TBC1D1: variants seen among roughly 807,000 people sequenced by gnomAD.
The protein encoded by TBC1D1 is TBC1 domain family member 1.
Under a neutral mutation model 125.6 loss-of-function variants are expected in TBC1D1, and 89 were observed. The observed-to-expected ratio is 0.71, with a 90% CI of 0.60 to 0.85. The LOEUF is 0.85. Among genes scored for constraint, TBC1D1 ranks in the 40% least tolerant of loss-of-function variants. TBC1D1 has a pLI of 0.00. For synonymous variants in TBC1D1, 565 were observed against 564.1 expected (o/e 1.00, Z -0.02); for missense variants, 1,377 against 1,469.2 (o/e 0.94, Z 1.03).
At chr4:37,990,946 TG>T (rs764509715) in intron 2 of TBC1D1, among the ~76,000 whole-genome samples, 19 of 152,058 alleles carry the variant, frequency 1.2e-4, no homozygotes, top group Non-Finnish European at 2.2e-4. Context: ...TCAAGAAATC[TG>T]GCCGCTTCAA....
At chr4:37,981,315 T>G (rs1159053703) in intron 2 of TBC1D1, among the ~76,000 whole-genome samples, 1 of 152,244 alleles carries the variant, frequency 6.6e-6, no homozygotes, top group Admixed American at 6.5e-5. Context: ...TTTCCGTATT[T>G]GGGCATTACT....
chr4:38,052,090 T>G, intron 11 of TBC1D1, 30 bp downstream of exon 12: 3 of 1,549,714 alleles, frequency 1.9e-6, no homozygotes, highest in South Asian at 1.2e-5. Context: ...AAGTTTGGTG[T>G]TGTCTGTTTT....
At chr4:38,063,996 C>T (rs944468082) in intron 12 of TBC1D1, among the ~76,000 whole-genome samples, 1 of 152,016 alleles carries the variant, frequency 6.6e-6, no homozygotes, top group Non-Finnish European at 1.5e-5. Context: ...AATCTACTGC[C>T]GTCCACCTCT....
chr4:37,947,916 C>A (rs1464104617), intron 2 of TBC1D1, among the ~76,000 whole-genome samples: 1 of 151,702 alleles, frequency 6.6e-6, no homozygotes, highest in African/African-American at 2.4e-5. Context: ...AAAGGTAGTA[C>A]CCCCAAATAA....
chr4:37,984,033 G>A (rs889781727), intron 2 of TBC1D1, among the ~76,000 whole-genome samples: 6 of 151,852 alleles, frequency 4.0e-5, no homozygotes, highest in African/African-American at 1.2e-4. Context: ...TAGCCTTTTC[G>A]GATTGGCTTC....
At chr4:38,024,686 A>C (rs1744724204) in intron 6 of TBC1D1, among the ~76,000 whole-genome samples, 1 of 152,206 alleles carries the variant, frequency 6.6e-6, no homozygotes, top group Non-Finnish European at 1.5e-5. Context: ...TTATTACATA[A>C]ACAGTTTTAG....
In TBC1D1 at chr4:37,965,292, A is replaced by G. The variant is rs148141112; in HGVS notation, c.418-49217A>G. On this transcript the variant is annotated intron_variant, in intron 2 of 19. Coordinates refer to ENST00000261439, the MANE Select transcript of TBC1D1 (RefSeq NM_015173.4). Reference sequence around the variant, plus strand: ...ATACTCTCGACCTCATGCGCTGTAAATGCTTTGAACCATGCCTGGTGCATG... The same window carrying G: ...ATACTCTCGACCTCATGCGCTGTAAGTGCTTTGAACCATGCCTGGTGCATG... Among the ~76,000 whole-genome samples, 827 of 152,288 alleles carry G rather than the reference A, an allele frequency of 5.4e-3. 1 individual carries two copies. Among genetic ancestry groups the G allele is most frequent in the Non-Finnish European group, 9.2e-3 (628 of 68,034 alleles).
At chr4:38,011,649 G>A (rs530329545) in intron 2 of TBC1D1, among the ~76,000 whole-genome samples, 2 of 152,164 alleles carry the variant, frequency 1.3e-5, no homozygotes, top group Non-Finnish European at 2.9e-5. Context: ...TCTGAATGAC[G>A]GGGCACACCT....
intron 14 of TBC1D1, among the ~76,000 whole-genome samples, chr4:38,099,503 G>T (rs1759928188): frequency 1.3e-5 from 2 of 152,186 alleles, no homozygotes; most frequent in African/African-American, 4.8e-5. Flanking sequence ...CCTCTTCACT[G>T]TCAAAAGCTT....
intron 17 of TBC1D1, 23 bp from the exon 20 acceptor site, chr4:38,124,939 T>C: frequency 6.2e-7 from 1 of 1,610,924 alleles, no homozygotes; most frequent in Non-Finnish European, 8.5e-7. Flanking sequence ...GGTTTAACTT[T>C]CTGCATTTCT....
At chr4:38,096,169 CA>C in intron 14 of TBC1D1, 79 bp downstream of exon 16, 1 of 1,282,832 alleles carries the variant, frequency 7.8e-7, no homozygotes, top group Non-Finnish European at 1.1e-6. Flanking sequence ...AAAAAAAAGT[CA>C]AGTCTAATTT....
intron 12 of TBC1D1, among the ~76,000 whole-genome samples, chr4:38,058,882 AAGTG>A (rs1752244956): frequency 6.6e-6 from 1 of 152,202 alleles, no homozygotes. Flanking sequence ...GAAGGGTGTT[AAGTG>A]AGTAAGGAGT....
chr4:37,892,090 A>T (rs571402995), intron 1 of TBC1D1, among the ~76,000 whole-genome samples: 1 of 152,292 alleles, frequency 6.6e-6, no homozygotes, highest in African/African-American at 2.4e-5. Flanking sequence ...AGGGTGCCTC[A>T]TATTAATGGA....
intron 2 of TBC1D1, among the ~76,000 whole-genome samples, chr4:37,913,261 C>T (rs13122144): frequency 0.075 from 11,456 of 152,104 alleles, 566 homozygotes; most frequent in East Asian, 0.2. Context: ...TGAAAAATAA[C>T]ATAGAAGTGA....
intron 2 of TBC1D1, among the ~76,000 whole-genome samples, chr4:37,950,127 G>A (rs956828966): frequency 1.3e-5 from 2 of 152,116 alleles, no homozygotes; most frequent in African/African-American, 4.8e-5. Context: ...GACAAACCAG[G>A]ACAATACGAT....
At chr4:38,049,504 T>C (rs1750078922) in intron 10 of TBC1D1, 114 bp from the exon 11 acceptor site, 3 of 1,292,988 alleles carry the variant, frequency 2.3e-6, no homozygotes, top group Admixed American at 2.4e-5. Context: ...TAGATGGCAT[T>C]ATAATCAGAA....
intron 12 of TBC1D1, among the ~76,000 whole-genome samples, chr4:38,082,015 A>C (rs1756651268): frequency 6.6e-6 from 1 of 152,196 alleles, no homozygotes. Context: ...AGATGAAATC[A>C]GTGGGGTACT....
At chr4:38,116,182 A>G (rs1345832318) in intron 16 of TBC1D1, among the ~76,000 whole-genome samples, 1 of 152,158 alleles carries the variant, frequency 6.6e-6, no homozygotes, top group Non-Finnish European at 1.5e-5. Flanking sequence ...CTGAGTCTCC[A>G]AGAGATTATA....
chr4:37,977,008 T>A lies in TBC1D1; in HGVS notation c.418-37501T>A, dbSNP rs1238212562. On this transcript the variant is annotated intron_variant, in intron 2 of 19. Coordinates refer to ENST00000261439, the MANE Select transcript of TBC1D1 (RefSeq NM_015173.4). This position sits in a 1 kb window ranked among gnomAD's most constrained non-coding sequence, Gnocchi z 4.3. ...TCACCCCTGGAAAGTTGGGCGGGCT[T>A]TGTGTTAGCTCCAACTCTGGGGCTT... Among the ~76,000 whole-genome samples, 1 of 152,156 alleles carries A rather than the reference T, an allele frequency of 6.6e-6. No individual in the cohort carries two copies. Among genetic ancestry groups the A allele is most frequent in the Non-Finnish European group, 1.5e-5 (1 of 68,016 alleles).
Sources: gnomAD v4.1 joint callset for allele counts (sites outside exome capture counted in the v4.1 genomes callset) on GRCh38, gnomAD v4.1.1 for gene constraint, Gnocchi (gnomAD v3.1) non-coding constraint, MANE v1.5 for transcripts, NCBI Gene and HGNC (gene_info 2026-07-23, HGNC 2026-07-21) for gene names.